The following STPG2 variants were observed in gnomAD, a reference collection of about 807,000 sequenced individuals.
STPG2 encodes the protein sperm tail PG-rich repeat containing 2.
A neutral mutation model predicts 54.2 loss-of-function variants in STPG2; 56 were observed. The ratio of observed to expected loss-of-function variants is 1.03; its 90% confidence interval spans 0.83 to 1.29. STPG2 has a LOEUF of 1.29. Ranked by LOEUF, STPG2 falls within the 50% of genes most tolerant of loss-of-function variation. STPG2 has a pLI of 0.00. For synonymous variants in STPG2, 200 were observed against 181.8 expected (o/e 1.10, Z -0.81); for missense variants, 596 against 544.9 (o/e 1.09, Z -0.93).
chr4:97,551,005 G>A (rs779881187), intron 4 of STPG2, among the ~76,000 whole-genome samples: 45 of 144,184 alleles, frequency 3.1e-4, no homozygotes, highest in Admixed American at 1.0e-3. Context: ...CCTTCCACAC[G>A]TGGAAGGGGA....
At chr4:97,596,389 C>G (rs572316431) in intron 10 of STPG2, among the ~76,000 whole-genome samples, 186 of 152,040 alleles carry the variant, frequency 1.2e-3, no homozygotes, top group African/African-American at 4.3e-3. Context: ...CATTTGGAAC[C>G]TGAACTTGAC....
At chr4:97,857,143 GT>G (rs1206932120) in intron 8 of STPG2, among the ~76,000 whole-genome samples, 1 of 152,158 alleles carries the variant, frequency 6.6e-6, no homozygotes, top group African/African-American at 2.4e-5. Flanking sequence ...TCTCTGCTAT[GT>G]TTTGATATCA....
chr4:98,109,429 G>A (rs535247642), intron 3 of STPG2, 124 bp from the exon 4 acceptor site: 2 of 666,044 alleles, frequency 3.0e-6, no homozygotes, highest in African/African-American at 1.8e-5. Context: ...GGGTTCCACT[G>A]GTAAATGCTA....
At chr4:97,904,119 G>C (rs892703409) in intron 8 of STPG2, among the ~76,000 whole-genome samples, 1 of 152,226 alleles carries the variant, frequency 6.6e-6, no homozygotes, top group African/African-American at 2.4e-5. Flanking sequence ...AGGCCTGCCT[G>C]CCTCTGTAGG....
chr4:98,009,742 T>C (rs1363235261), intron 5 of STPG2, among the ~76,000 whole-genome samples: 1 of 152,132 alleles, frequency 6.6e-6, no homozygotes, highest in Non-Finnish European at 1.5e-5. Context: ...TCTGTTAATA[T>C]CAAATTATGT....
chr4:97,824,482 A>T (rs1049278983), intron 9 of STPG2, among the ~76,000 whole-genome samples: 7 of 152,110 alleles, frequency 4.6e-5, no homozygotes, highest in African/African-American at 1.7e-4. Flanking sequence ...ATTTTGTGCT[A>T]TGAATTTGTC....
intron 10 of STPG2, among the ~76,000 whole-genome samples, chr4:97,622,536 ATATCTAGGAAT>A (rs1239701622): frequency 6.6e-6 from 1 of 152,206 alleles, no homozygotes; most frequent in African/African-American, 2.4e-5. Flanking sequence ...AAAGAATAAA[ATATCTAGGAAT>A]ACAGCTAACA....
intron 5 of STPG2, among the ~76,000 whole-genome samples, chr4:98,034,547 C>A (rs780639944): frequency 1.3e-5 from 2 of 152,164 alleles, no homozygotes; most frequent in Non-Finnish European, 2.9e-5. Context: ...AGATTCAATG[C>A]TATCCGCATC....
intron 1 of STPG2, among the ~76,000 whole-genome samples, chr4:98,139,447 C>A (rs555540932): frequency 6.6e-6 from 1 of 152,264 alleles, no homozygotes; most frequent in African/African-American, 2.4e-5. Flanking sequence ...GTCCCTACAT[C>A]TGTTCTTCTC....
intron 5 of STPG2, among the ~76,000 whole-genome samples, chr4:97,997,101 G>T (rs1735264885): frequency 6.6e-6 from 1 of 152,094 alleles, no homozygotes; most frequent in South Asian, 2.1e-4. Context: ...TCTATTCAAA[G>T]GAATATAAAT....
At chr4:97,521,278 CAGA>C (rs1484159276) in intron 4 of STPG2, among the ~76,000 whole-genome samples, 1 of 151,934 alleles carries the variant, frequency 6.6e-6, no homozygotes, top group African/African-American at 2.4e-5. Flanking sequence ...AAATCAACAG[CAGA>C]AGATCAAAGA....
intron 5 of STPG2, among the ~76,000 whole-genome samples, chr4:98,004,142 T>C (rs1593573): frequency 0.39 from 59,896 of 151,846 alleles, 12,038 homozygotes; most frequent in Middle Eastern, 0.46. Context: ...TAATGTTGTA[T>C]CCTTTGACCC....
At chr4:97,789,674 T>G (rs1256101946) in intron 9 of STPG2, among the ~76,000 whole-genome samples, 4 of 152,172 alleles carry the variant, frequency 2.6e-5, no homozygotes, top group Admixed American at 2.6e-4. Context: ...AAGTCTCAGT[T>G]TTAAGACTGA....
At chr4:97,855,309 C>A (rs1416515822) in intron 8 of STPG2, among the ~76,000 whole-genome samples, 2 of 152,194 alleles carry the variant, frequency 1.3e-5, no homozygotes, top group African/African-American at 2.4e-5. Context: ...GGTATTTCTG[C>A]CTCTCAGTCT....
chr4:97,898,705 C>T (rs537617958), intron 8 of STPG2, among the ~76,000 whole-genome samples: 73 of 151,632 alleles, frequency 4.8e-4, no homozygotes, highest in Admixed American at 3.4e-3. Context: ...TATTAGATTA[C>T]AAACAACTTA....
At chr4:98,044,403 C>A (rs1333745879) in intron 5 of STPG2, among the ~76,000 whole-genome samples, 1 of 152,180 alleles carries the variant, frequency 6.6e-6, no homozygotes, top group Admixed American at 6.5e-5. Context: ...CCACTGGGTT[C>A]TTTGCCCTCC....
rs1479460843 is a variant in STPG2, at chr4:98,143,301, G to C, written c.-151C>G. ...AAACAGGGAAATTAGGGGTGGGGTT[G>C]TCTCCCCGCCCGCTCATTGATACCA... is the stretch of plus-strand genomic sequence containing the variant. On this transcript the variant is annotated 5_prime_UTR_variant, in exon 1 of 11. Coordinates refer to ENST00000295268, the MANE Select transcript of STPG2 (RefSeq NM_174952.3). The C allele has an allele frequency of 1.2e-5, 7 of 603,900 alleles. No homozygotes were observed. Among genetic ancestry groups the C allele is most frequent in the Non-Finnish European group, 2.1e-5 (7 of 340,398 alleles). The allele number at this position is 603,900 out of a possible 1,614,324, so 37.4% of individuals were successfully genotyped here.
chr4:97,976,807 ACTAAC>A (rs1387083556), intron 6 of STPG2, among the ~76,000 whole-genome samples: 1 of 152,138 alleles, frequency 6.6e-6, no homozygotes, highest in African/African-American at 2.4e-5. Flanking sequence ...TTATAAATAA[ACTAAC>A]TTTGAAGGAT....
chr4:97,765,694 C>T (rs1273530449), intron 9 of STPG2, among the ~76,000 whole-genome samples: 1 of 152,126 alleles, frequency 6.6e-6, no homozygotes, highest in African/African-American at 2.4e-5. Flanking sequence ...TTTACTACTA[C>T]AGCAATGCTT....
Sources: gnomAD v4.1 joint callset for allele counts (sites outside exome capture counted in the v4.1 genomes callset) on GRCh38, gnomAD v4.1.1 for gene constraint, MANE v1.5 for transcripts, NCBI Gene and HGNC (gene_info 2026-07-23, HGNC 2026-07-21) for gene names.